The following COBL variants were observed in gnomAD, a reference collection of about 807,000 sequenced individuals.
COBL encodes the protein cordon-bleu WH2 repeat protein.
A neutral mutation model predicts 98.8 loss-of-function variants in COBL; 51 were observed. That is an observed-to-expected ratio of 0.52 (90% confidence interval 0.41 to 0.65). The LOEUF is 0.65. COBL is among the 30% of genes least tolerant of loss of function. The probability of loss-of-function intolerance (pLI) is 0.00; values close to 1 mark genes in which losing one functional copy is unlikely to be tolerated. For synonymous variants in COBL, 634 were observed against 651.7 expected, an observed-to-expected ratio of 0.97 and a Z score of 0.41; for missense variants, 1,617 against 1,617.5, an observed-to-expected ratio of 1.00 and a Z score of 0.01.
In COBL at chr7:51,027,830, A is replaced by T. The variant is rs1246960408; in HGVS notation, c.3266T>A (p.Phe1089Tyr). Residue 1089 changes from phenylalanine to tyrosine, a missense_variant, in exon 10 of 13, where the codon TTT (phenylalanine) becomes TAT (tyrosine). Around this residue, in one of 3 missense-constraint regions of COBL, gnomAD observed 1,304 missense variants for 1,282.0 expected, o/e 1.02. Coordinates refer to ENST00000265136, the MANE Select transcript of COBL (RefSeq NM_015198.5). Reference sequence around the variant, plus strand: ...AGGTTTGAATTTTTTCTTCGGCCCAAAAATGCTGGGTGGCCAAATACTGTC... The same window carrying T: ...AGGTTTGAATTTTTTCTTCGGCCCATAAATGCTGGGTGGCCAAATACTGTC... ...ETDSIWPPSI[F>Y]GPKKKFKPVV... 4 of 1,614,122 alleles carry T rather than the reference A, an allele frequency of 2.5e-6. No homozygotes were observed. Among genetic ancestry groups the T allele is most frequent in the Non-Finnish European group, 3.4e-6 (4 of 1,180,062 alleles).
At chr7:51,055,939 A>T (rs1377757946) in intron 7 of COBL, among the ~76,000 whole-genome samples, 1 of 152,194 alleles carries the variant, frequency 6.6e-6, no homozygotes, top group Admixed American at 6.5e-5. Context: ...AAAAGGCAGG[A>T]GTATTTGCCT....
chr7:51,310,962 A>T (rs1196594062), intron 1 of COBL, among the ~76,000 whole-genome samples: 2 of 142,484 alleles, frequency 1.4e-5, no homozygotes, highest in African/African-American at 2.6e-5. Flanking sequence ...GGCCGGTTGT[A>T]TTTTTTTTTT....
At chr7:51,119,536 C>T (rs1310585822) in intron 6 of COBL, among the ~76,000 whole-genome samples, 1 of 152,106 alleles carries the variant, frequency 6.6e-6, no homozygotes, top group Non-Finnish European at 1.5e-5. Context: ...GACACTGCAC[C>T]ACGAGCTTCT....
At chr7:51,106,436 G>A (rs1796278078) in intron 6 of COBL, among the ~76,000 whole-genome samples, 1 of 152,150 alleles carries the variant, frequency 6.6e-6, no homozygotes, top group Non-Finnish European at 1.5e-5. Flanking sequence ...AGATGGAGGA[G>A]GAAAATTCTA....
At chr7:51,129,482 C>A (rs1213261426) in intron 6 of COBL, among the ~76,000 whole-genome samples, 2 of 151,618 alleles carry the variant, frequency 1.3e-5, no homozygotes, top group Admixed American at 6.6e-5. Flanking sequence ...GCAGAGATGA[C>A]CCACACATGT....
intron 1 of COBL, among the ~76,000 whole-genome samples, chr7:51,308,849 G>T (rs953539851): frequency 6.6e-6 from 1 of 152,200 alleles, no homozygotes; most frequent in African/African-American, 2.4e-5. Context: ...TCAGCACCCC[G>T]ATGTGTTGCA....
chr7:51,065,239 C>G (rs1273599606), intron 7 of COBL: 2 of 703,394 alleles, frequency 2.8e-6, no homozygotes, highest in Non-Finnish European at 2.6e-6. Flanking sequence ...TGTGCACATG[C>G]ATTCACAAAT....
intron 6 of COBL, among the ~76,000 whole-genome samples, chr7:51,107,092 G>GTTTTT (rs1160414563): frequency 1.3e-3 from 84 of 63,364 alleles, no homozygotes; most frequent in African/African-American, 1.6e-3. Flanking sequence ...TAGTTTGTTT[G>GTTTTT]TTTTTTTTTT....
chr7:51,090,584 G>A (rs1020997950), intron 6 of COBL, among the ~76,000 whole-genome samples: 1 of 152,196 alleles, frequency 6.6e-6, no homozygotes, highest in Non-Finnish European at 1.5e-5. Flanking sequence ...TGAATGCCTG[G>A]GAGCTACTGA....
At chr7:51,276,966 T>C (rs2129171561) in intron 1 of COBL, among the ~76,000 whole-genome samples, 1 of 152,148 alleles carries the variant, frequency 6.6e-6, no homozygotes, top group Middle Eastern at 3.4e-3. Context: ...AGGAGATGCA[T>C]CTGGGAGCAG....
intron 1 of COBL, among the ~76,000 whole-genome samples, chr7:51,246,710 T>C (rs1448052556): frequency 1.3e-5 from 2 of 152,234 alleles, no homozygotes; most frequent in South Asian, 4.1e-4. Context: ...TGGTTGCAAT[T>C]CCATGATGTC....
chr7:51,239,291 G>C (rs1446467622), intron 1 of COBL, among the ~76,000 whole-genome samples: 2 of 152,160 alleles, frequency 1.3e-5, no homozygotes, highest in African/African-American at 4.8e-5. Flanking sequence ...TTGCAGTAAA[G>C]AAACTGGCTA....
chr7:51,285,127 A>G (rs577599499), intron 1 of COBL, among the ~76,000 whole-genome samples: 1 of 152,032 alleles, frequency 6.6e-6, no homozygotes, highest in South Asian at 2.1e-4. Context: ...TTGTATTTTT[A>G]GTACAGACAG....
chr7:51,294,478 CA>C lies in COBL; in HGVS notation c.41+22114del, dbSNP rs893789663. Among the ~76,000 whole-genome samples the C allele has an allele frequency of 5.0e-4, 71 of 142,946 alleles. No homozygotes were observed. In the East Asian group the frequency reaches 0.011, roughly 23 times the overall value. The allele number at this position is 142,946 out of a possible 152,430, so 93.8% of individuals were successfully genotyped here. A position where few individuals can be genotyped will look rare whatever the true frequency, so the allele number is the denominator to read the frequency against. On this transcript the variant is annotated intron_variant, in intron 1 of 12. Transcript: ENST00000265136. The stretch of plus-strand genomic sequence containing the variant: ...TGAAACCCTATTTCTACTAAAAATA[CA>C]AAAAAAAAATAAAAGTAGCTGGGTG...
chr7:51,167,387 G>T (rs986709985), intron 5 of COBL, among the ~76,000 whole-genome samples: 1 of 151,988 alleles, frequency 6.6e-6, no homozygotes, highest in Admixed American at 6.6e-5. Context: ...ATTAACTAAA[G>T]AAGTGAAAGA....
chr7:51,136,089 G>T (rs1387255750), intron 6 of COBL, 69 bp downstream of exon 6: 2 of 1,538,872 alleles, frequency 1.3e-6, no homozygotes, highest in African/African-American at 2.7e-5. Context: ...GTGTTCCCAG[G>T]GAGCTTTGGA....
At chr7:51,294,945 G>A (rs1801277994) in intron 1 of COBL, among the ~76,000 whole-genome samples, 1 of 152,048 alleles carries the variant, frequency 6.6e-6, no homozygotes, top group Admixed American at 6.6e-5. Flanking sequence ...GTAGGGGCAA[G>A]GGGAGGGAGA....
chr7:51,300,881 G>A (rs1016832378), intron 1 of COBL, among the ~76,000 whole-genome samples: 22 of 152,148 alleles, frequency 1.4e-4, no homozygotes, highest in Admixed American at 1.3e-4. Context: ...ACTGTCATCA[G>A]GGCCCCTGGG....
intron 2 of COBL, among the ~76,000 whole-genome samples, chr7:51,209,017 T>G (rs1338384591): frequency 1.6e-5 from 2 of 126,800 alleles, no homozygotes; most frequent in Non-Finnish European, 3.2e-5. Context: ...CAAATCCCCC[T>G]CTGTGAGAAA....
Sources: allele counts gnomAD v4.1 joint callset (sites outside exome capture counted in the v4.1 genomes callset), GRCh38; gene constraint gnomAD v4.1.1; regional missense constraint gnomAD v4.1.1; transcripts MANE v1.5; gene names NCBI Gene and HGNC (gene_info 2026-07-23, HGNC 2026-07-21).